The following GBE1 variants were observed in gnomAD, a reference collection of about 807,000 sequenced individuals.
GBE1 encodes 1,4-alpha-glucan-branching enzyme.
A neutral mutation model predicts 88.8 loss-of-function variants in GBE1; 70 were observed. The ratio of observed to expected loss-of-function variants is 0.79; its 90% CI spans 0.65 to 0.96. The LOEUF is 0.96. GBE1 is among the 40% of genes least tolerant of loss of function. The probability of loss-of-function intolerance (pLI) is 0.00; values close to 1 mark genes in which losing one functional copy is unlikely to be tolerated. For missense variants in GBE1, 872 were observed against 871.0 expected, an observed-to-expected ratio of 1.00 and a Z score of -0.01; for synonymous variants, 284 against 300.1, an observed-to-expected ratio of 0.95 and a Z score of 0.56.
chr3:81,500,316 C>G (rs1295306907), intron 14 of GBE1, among the ~76,000 whole-genome samples: 1 of 151,870 alleles, frequency 6.6e-6, no homozygotes, highest in Non-Finnish European at 1.5e-5. Context: ...TAAAGTCACT[C>G]AATATAGCTG....
chr3:81,700,607 G>A (rs1705673047), intron 2 of GBE1, among the ~76,000 whole-genome samples: 1 of 151,990 alleles, frequency 6.6e-6, no homozygotes, highest in Admixed American at 6.6e-5. Flanking sequence ...CTGGTCCACA[G>A]AGCACATGTT....
chr3:81,566,032 T>C (rs1189321899), intron 12 of GBE1, among the ~76,000 whole-genome samples: 1 of 152,222 alleles, frequency 6.6e-6, no homozygotes, highest in African/African-American at 2.4e-5. Context: ...CATTCGGGTT[T>C]GCTTTGTTTG....
chr3:81,727,104 T>G (rs1706124333), intron 1 of GBE1, among the ~76,000 whole-genome samples: 1 of 152,170 alleles, frequency 6.6e-6, no homozygotes, highest in African/African-American at 2.4e-5. Flanking sequence ...ATTTCCACAC[T>G]GAGACAGTTC....
intron 12 of GBE1, among the ~76,000 whole-genome samples, chr3:81,568,994 T>C (rs935917878): frequency 5.3e-5 from 8 of 151,984 alleles, no homozygotes; most frequent in Non-Finnish European, 1.2e-4. Context: ...CCCCCCAAAA[T>C]ATGAATTGAC....
chr3:81,594,646 A>G (rs1703931358), intron 7 of GBE1, among the ~76,000 whole-genome samples: 1 of 152,084 alleles, frequency 6.6e-6, no homozygotes, highest in Non-Finnish European at 1.5e-5. Context: ...GTGAAGGTAA[A>G]AAAAGAAAAC....
rs1703916709 is a variant in GBE1 at position 81,593,905 on chromosome 3, T to C, written c.1108+3A>G. 2 of 1,481,406 alleles carry C rather than the reference T, an allele frequency of 1.4e-6. No individual in the cohort carries two copies. The highest frequency in any genetic ancestry group is 2.0e-5 in the Admixed American group (1 of 51,248). 91.8% of individuals were successfully genotyped at this position (1,481,406 alleles called of 1,614,324 possible). On this transcript the variant is annotated splice_donor_region_variant and intron_variant, in intron 8 of 15. Transcript: ENST00000429644. ...CCAAACCTGATTATATCAGGTTACCTACCCACTCCATGGTGATGATAAAGC... is the reference window on the plus strand; with the variant it reads ...CCAAACCTGATTATATCAGGTTACCCACCCACTCCATGGTGATGATAAAGC...
intron 12 of GBE1, among the ~76,000 whole-genome samples, chr3:81,560,296 T>C (rs982215603): frequency 6.6e-6 from 1 of 152,014 alleles, no homozygotes; most frequent in African/African-American, 2.4e-5. Context: ...ATAACATTTT[T>C]AATCACATAG....
chr3:81,710,255 G>A (rs2594545), intron 1 of GBE1, among the ~76,000 whole-genome samples: 1 of 19,066 alleles, frequency 5.2e-5, no homozygotes, highest in Admixed American at 5.2e-4. Flanking sequence ...TTTTTTTTGA[G>A]ACGGACTCTC....
At chr3:81,663,481 C>T (rs1705059613) in intron 3 of GBE1, among the ~76,000 whole-genome samples, 1 of 152,140 alleles carries the variant, frequency 6.6e-6, no homozygotes, top group Admixed American at 6.5e-5. Flanking sequence ...AAGGGCCCAA[C>T]TCCAGGGGAA....
At chr3:81,546,200 G>GCACACACACACACAAACTCA (rs568933458) in intron 12 of GBE1, among the ~76,000 whole-genome samples, 22 of 150,714 alleles carry the variant, frequency 1.5e-4, no homozygotes, top group African/African-American at 4.1e-4. Context: ...CACTGTACAT[G>GCACACACACACACAAACTCA]CACACACACA....
At chr3:81,530,815 T>C (rs578017914) in intron 14 of GBE1, among the ~76,000 whole-genome samples, 4 of 151,912 alleles carry the variant, frequency 2.6e-5, no homozygotes, top group Non-Finnish European at 5.9e-5. Context: ...CTGGTGACTA[T>C]TGTCTGGGTA....
intron 12 of GBE1, among the ~76,000 whole-genome samples, chr3:81,571,541 A>T (rs1198539833): frequency 6.6e-6 from 1 of 152,222 alleles, no homozygotes; most frequent in Admixed American, 6.5e-5. Context: ...GTATACCCGG[A>T]GAGTTATATA....
At chr3:81,535,120 T>C (rs79987685) in intron 14 of GBE1, 75 bp downstream of exon 14, 1 of 924,514 alleles carries the variant, frequency 1.1e-6, no homozygotes, top group Non-Finnish European at 1.5e-6. Flanking sequence ...CCTTAGTCTT[T>C]TTTTTTTTTT....
At chr3:81,692,133 G>C (rs1034038740) in intron 2 of GBE1, among the ~76,000 whole-genome samples, 1 of 152,126 alleles carries the variant, frequency 6.6e-6, no homozygotes, top group Non-Finnish European at 1.5e-5. Context: ...GCCAGGGCTG[G>C]GGCAAGTACA....
rs74364454 is a variant in GBE1 at position 81,713,471 on chromosome 3, T to A, written c.144-7858A>T. The stretch of plus-strand genomic sequence containing the variant: ...TAAAACATAAAATCCTTAAAAACTT[T>A]ACAGAGGAGATAACTGATATGATCA... On this transcript the variant is annotated intron_variant, in intron 1 of 15. Coordinates refer to ENST00000429644, the MANE Select transcript of GBE1 (RefSeq NM_000158.4). Among the ~76,000 whole-genome samples, 619 of 152,264 alleles carry A rather than the reference T, an allele frequency of 4.1e-3. 9 individuals are homozygous for A. The highest frequency in any genetic ancestry group is 0.014 in the Middle Eastern group (4 of 294).
At chr3:81,514,429 C>CA (rs1702767454) in intron 14 of GBE1, among the ~76,000 whole-genome samples, 2 of 151,502 alleles carry the variant, frequency 1.3e-5, no homozygotes, top group Admixed American at 1.3e-4. Flanking sequence ...CACATAACTA[C>CA]AAAAAATAAC....
At chr3:81,703,790 T>C (rs1274571700) in intron 2 of GBE1, among the ~76,000 whole-genome samples, 1 of 152,040 alleles carries the variant, frequency 6.6e-6, no homozygotes, top group African/African-American at 2.4e-5. Context: ...CAGTCTATTT[T>C]TTCTGGTCAT....
chr3:81,652,631 T>C (rs1704866587), intron 3 of GBE1, among the ~76,000 whole-genome samples: 2 of 152,338 alleles, frequency 1.3e-5, no homozygotes, highest in South Asian at 4.1e-4. Context: ...CTCTACTCTT[T>C]AGGCCCCTGG....
chr3:81,666,341 A>G (rs1335893930), intron 3 of GBE1, among the ~76,000 whole-genome samples: 1 of 152,172 alleles, frequency 6.6e-6, no homozygotes, highest in African/African-American at 2.4e-5. Flanking sequence ...TTCTTTCCAT[A>G]TTTTTTAAAT....
Sources: allele counts gnomAD v4.1 joint callset (sites outside exome capture counted in the v4.1 genomes callset), GRCh38; gene constraint gnomAD v4.1.1; transcripts MANE v1.5; gene names NCBI Gene and HGNC (gene_info 2026-07-23, HGNC 2026-07-21).